The following NR3C2 variants were observed in gnomAD, a reference collection of about 807,000 sequenced individuals.
NR3C2 encodes the protein mineralocorticoid receptor.
In NR3C2, 15 loss-of-function variants were observed where a neutral mutation model predicts 86.4. The observed-to-expected ratio is 0.17, with a 90% CI of 0.12 to 0.27. The LOEUF is 0.27. NR3C2 is among the 10% of genes least tolerant of loss of function. The probability of loss-of-function intolerance (pLI) is 1.00; values close to 1 mark genes in which losing one functional copy is unlikely to be tolerated. For synonymous variants in NR3C2, 458 were observed against 450.5 expected, an observed-to-expected ratio of 1.02 and a Z score of -0.21; for missense variants, 960 against 1,195.6, an observed-to-expected ratio of 0.80 and a Z score of 2.91.
At chr4:148,240,886 G>C (rs1458194124) in intron 3 of NR3C2, among the ~76,000 whole-genome samples, 1 of 152,160 alleles carries the variant, frequency 6.6e-6, no homozygotes, top group Non-Finnish European at 1.5e-5. Flanking sequence ...TGCTGTGCCT[G>C]GCCACGGGCC....
At chr4:148,284,797 C>T (rs749093151) in intron 2 of NR3C2, among the ~76,000 whole-genome samples, 14 of 152,138 alleles carry the variant, frequency 9.2e-5, no homozygotes, top group Non-Finnish European at 1.5e-4. Flanking sequence ...CAAAGAGAGA[C>T]GAAGGAAATT....
At chr4:148,222,629 A>G (rs1241274976) in intron 3 of NR3C2, among the ~76,000 whole-genome samples, 2 of 152,264 alleles carry the variant, frequency 1.3e-5, no homozygotes, top group African/African-American at 4.8e-5. Context: ...GAAATTAACA[A>G]AACATAATAA....
chr4:148,414,092 C>T (rs1167657452), intron 2 of NR3C2, among the ~76,000 whole-genome samples: 1 of 152,146 alleles, frequency 6.6e-6, no homozygotes, highest in Non-Finnish European at 1.5e-5. Context: ...CGATAGAATA[C>T]TATCAGGCAA....
rs190198144 is a variant in NR3C2, at chr4:148,126,702, C to G, written c.2511-6414G>C. On this transcript the variant is annotated intron_variant, in intron 6 of 8. Coordinates refer to ENST00000358102, the MANE Select transcript of NR3C2 (RefSeq NM_000901.5). ...CCTAAAGAAAGCATTTTTTTTGCCA[C>G]TGCAGTATGAACAGCATCTCTTTTT... Among the ~76,000 whole-genome samples, 6 of 152,236 alleles carry G rather than the reference C, an allele frequency of 3.9e-5. No homozygotes were observed. The East Asian group carries it at 1.2e-3, about 29-fold the overall frequency.
intron 6 of NR3C2, among the ~76,000 whole-genome samples, chr4:148,122,052 C>G (rs13109056): frequency 0.3 from 45,860 of 152,034 alleles, 7,274 homozygotes; most frequent in East Asian, 0.6. Context: ...CTTCACATCC[C>G]CACCAATGAT....
At chr4:148,220,188 G>A (rs1389587241) in intron 3 of NR3C2, among the ~76,000 whole-genome samples, 3 of 152,046 alleles carry the variant, frequency 2.0e-5, no homozygotes, top group Admixed American at 6.6e-5. Context: ...CTGGGTTCAC[G>A]TGATCCTCCC....
chr4:148,285,207 T>C lies in NR3C2; in HGVS notation c.1758-25090A>G, dbSNP rs1011569849. 1.3e-5 allele frequency among the ~76,000 whole-genome samples: 2 copies of C among 152,200 alleles called. 1 individual carries two copies. On this transcript the variant is annotated intron_variant, in intron 2 of 8. Coordinates refer to ENST00000358102, the MANE Select transcript of NR3C2 (RefSeq NM_000901.5). ...CCATAAGAGGAAAGTTATTTACCCC[T>C]TGTTGCAGCCTTTATCATGGACATG... is the stretch of plus-strand genomic sequence containing the variant.
chr4:148,261,858 C>T (rs1034769671), intron 2 of NR3C2, among the ~76,000 whole-genome samples: 12 of 152,180 alleles, frequency 7.9e-5, no homozygotes, highest in Non-Finnish European at 1.5e-4. Context: ...TATACTCTCA[C>T]GAAAAACAGA....
chr4:148,285,039 C>T (rs1741444227), intron 2 of NR3C2, among the ~76,000 whole-genome samples: 2 of 152,192 alleles, frequency 1.3e-5, no homozygotes, highest in Admixed American at 1.3e-4. Context: ...TGGTATCTCT[C>T]TGGACTACAG....
chr4:148,207,730 T>A (rs988811796), intron 3 of NR3C2, among the ~76,000 whole-genome samples: 2 of 152,168 alleles, frequency 1.3e-5, no homozygotes, highest in Non-Finnish European at 2.9e-5. Context: ...AACAGTACAG[T>A]AGTCTCCCTT....
At chr4:148,295,453 A>G (rs1175224121) in intron 2 of NR3C2, among the ~76,000 whole-genome samples, 1 of 150,196 alleles carries the variant, frequency 6.7e-6, no homozygotes, top group Non-Finnish European at 1.5e-5. Flanking sequence ...TGCATGCTAC[A>G]CTCTAGAGAC....
At chr4:148,353,448 T>C (rs572013220) in intron 2 of NR3C2, among the ~76,000 whole-genome samples, 1 of 152,232 alleles carries the variant, frequency 6.6e-6, no homozygotes, top group East Asian at 1.9e-4. Flanking sequence ...ACATCTTCCA[T>C]ATATACACAC....
intron 3 of NR3C2, among the ~76,000 whole-genome samples, chr4:148,206,074 T>C (rs934854616): frequency 9.2e-5 from 14 of 152,162 alleles, no homozygotes; most frequent in African/African-American, 3.1e-4. Flanking sequence ...GGGAGTTCAC[T>C]CTAGTAGTTC....
chr4:148,382,374 A>G (rs1747042364), intron 2 of NR3C2, among the ~76,000 whole-genome samples: 1 of 152,216 alleles, frequency 6.6e-6, no homozygotes, highest in Non-Finnish European at 1.5e-5. Context: ...AATATTAATC[A>G]AGCACTTACT....
chr4:148,171,639 C>T (rs143573025), intron 4 of NR3C2, among the ~76,000 whole-genome samples: 5 of 152,314 alleles, frequency 3.3e-5, no homozygotes, highest in South Asian at 2.1e-4. Flanking sequence ...TGACAGAAGG[C>T]GGCACTTGCC....
intron 3 of NR3C2, among the ~76,000 whole-genome samples, chr4:148,231,182 G>C (rs149380903): frequency 1.3e-5 from 2 of 152,278 alleles, no homozygotes; most frequent in South Asian, 2.1e-4. Context: ...CATTTTCTTA[G>C]AGGGATAAAA....
At chr4:148,338,749 G>T (rs1744610985) in intron 2 of NR3C2, among the ~76,000 whole-genome samples, 1 of 152,126 alleles carries the variant, frequency 6.6e-6, no homozygotes, top group African/African-American at 2.4e-5. Flanking sequence ...CAATAATGCT[G>T]AAAGGAATAG....
intron 4 of NR3C2, among the ~76,000 whole-genome samples, chr4:148,161,686 T>C (rs1477810063): frequency 6.6e-6 from 1 of 152,194 alleles, no homozygotes; most frequent in East Asian, 1.9e-4. Context: ...AAATATAAAT[T>C]TGTTGCAATT....
At chr4:148,316,883 C>A (rs1743214272) in intron 2 of NR3C2, among the ~76,000 whole-genome samples, 1 of 152,088 alleles carries the variant, frequency 6.6e-6, no homozygotes, top group African/African-American at 2.4e-5. Flanking sequence ...CTCACTGCAG[C>A]CTAGACCTCC....
Sources: allele counts gnomAD v4.1 joint callset (sites outside exome capture counted in the v4.1 genomes callset), GRCh38; gene constraint gnomAD v4.1.1; transcripts MANE v1.5; gene names NCBI Gene and HGNC (gene_info 2026-07-23, HGNC 2026-07-21).